The following REEP1 variants were observed in gnomAD, a reference collection of about 807,000 sequenced individuals.
REEP1 encodes the protein receptor accessory protein 1.
A neutral mutation model predicts 40.3 loss-of-function variants in REEP1; 22 were observed. The ratio of observed to expected loss-of-function variants is 0.55; its 90% CI spans 0.39 to 0.78. The LOEUF (loss-of-function observed/expected upper bound fraction) is 0.78. Among genes scored for constraint, REEP1 ranks in the 30% least tolerant of loss-of-function variants. The pLI is 0.00. For synonymous variants in REEP1, 116 were observed against 139.2 expected (o/e 0.83, Z 1.17); for missense variants, 280 against 361.1 (o/e 0.78, Z 1.82).
intron 1 of REEP1, among the ~76,000 whole-genome samples, chr2:86,284,904 T>G (rs1329724796): frequency 2.0e-5 from 3 of 152,214 alleles, no homozygotes; most frequent in African/African-American, 7.2e-5. Flanking sequence ...ACACACAAGT[T>G]TGCTTTTCGG....
At chr2:86,270,424 G>A (rs1677378858) in intron 2 of REEP1, among the ~76,000 whole-genome samples, 1 of 152,184 alleles carries the variant, frequency 6.6e-6, no homozygotes, top group African/African-American at 2.4e-5. Context: ...TCAAACTGCT[G>A]ACCTCAGGTG....
In REEP1 at chr2:86,219,504, G is replaced by A. The variant is rs181603222; in HGVS notation, c.783+466C>T. Reference sequence around the variant, plus strand: ...CTCGCTGTGTCATCCCGGCTGGAGTGCAGCAGTGCAGTCTCACTGCAACCT... The same window carrying A: ...CTCGCTGTGTCATCCCGGCTGGAGTACAGCAGTGCAGTCTCACTGCAACCT... On this transcript the variant is annotated intron_variant, in intron 8 of 8. Coordinates refer to ENST00000538924, the MANE Select transcript of REEP1 (RefSeq NM_001371279.1). 3.4e-3 allele frequency among the ~76,000 whole-genome samples: 505 copies of A among 147,278 alleles called. 3 individuals are homozygous for A. Among genetic ancestry groups the A allele is most frequent in the South Asian group, 0.018 (85 of 4,678 alleles).
intron 1 of REEP1, among the ~76,000 whole-genome samples, chr2:86,307,418 T>C (rs974233084): frequency 6.6e-6 from 1 of 152,190 alleles, no homozygotes; most frequent in African/African-American, 2.4e-5. Context: ...GGATTTATGA[T>C]ACACTTAAGT....
At chr2:86,220,557 G>T (rs59798346) in intron 7 of REEP1, among the ~76,000 whole-genome samples, 6,225 of 152,214 alleles carry the variant, frequency 0.041, 446 homozygotes, top group African/African-American at 0.14. Context: ...TGGGGTGGGA[G>T]AGCAGTTTCT....
intron 1 of REEP1, among the ~76,000 whole-genome samples, chr2:86,328,869 T>G (rs961217098): frequency 2.0e-5 from 3 of 152,024 alleles, no homozygotes; most frequent in African/African-American, 4.8e-5. Flanking sequence ...CGTCTAGGGG[T>G]GTGTTACAAT....
At chr2:86,310,249 A>C (rs1369759829) in intron 1 of REEP1, among the ~76,000 whole-genome samples, 1 of 152,182 alleles carries the variant, frequency 6.6e-6, no homozygotes, top group Non-Finnish European at 1.5e-5. Flanking sequence ...CTCAGAGCAT[A>C]ATGATGTTTC....
At chr2:86,291,939 T>C (rs1305672411) in intron 1 of REEP1, among the ~76,000 whole-genome samples, 2 of 152,256 alleles carry the variant, frequency 1.3e-5, no homozygotes, top group Non-Finnish European at 1.5e-5. Context: ...CAATTGATAC[T>C]GTTCCACTCC....
chr2:86,316,472 T>C (rs11691122), intron 1 of REEP1, among the ~76,000 whole-genome samples: 100,137 of 148,258 alleles, frequency 0.68, 35,405 homozygotes, highest in East Asian at 0.91. Context: ...CACTTGAACC[T>C]GGCAGGCAGA....
chr2:86,337,674 G>A (rs1248388923), upstream of REEP1: 1 of 1,005,636 alleles, frequency 9.9e-7, no homozygotes. The surrounding 1 kb of genome is among the most constrained non-coding windows in gnomAD (Gnocchi z 5.8). Flanking sequence ...GCGCAGCCGC[G>A]GCACGTTCTG....
At chr2:86,259,538 C>A (rs913745923) in intron 3 of REEP1, among the ~76,000 whole-genome samples, 1 of 151,640 alleles carries the variant, frequency 6.6e-6, no homozygotes, top group Non-Finnish European at 1.5e-5. Flanking sequence ...GGTGCTGCAC[C>A]ACCACACCCA....
intron 8 of REEP1, 36 bp from the exon 9 acceptor site, chr2:86,217,146 G>T (rs775245928): frequency 6.4e-7 from 1 of 1,567,292 alleles, no homozygotes. Flanking sequence ...CCTCAGTTTG[G>T]TGTAAATGTG....
In REEP1 at chr2:86,307,214, A is replaced by AG. The variant is rs1247274970; in HGVS notation, c.33-24973_33-24972insC. Among the ~76,000 whole-genome samples, 293 of 152,186 alleles carry AG rather than the reference A, an allele frequency of 1.9e-3. 2 individuals are homozygous for AG. Among genetic ancestry groups the AG allele is most frequent in the African/African-American group, 6.4e-3 (266 of 41,514 alleles). On this transcript the variant is annotated intron_variant, in intron 1 of 8. Transcript: ENST00000538924. ...GCAATACTGTGTCAAAAAAAAAAAAAAAAGTCACACCTATTTATCCATGTT... is the reference window on the plus strand; with the variant it reads ...GCAATACTGTGTCAAAAAAAAAAAAAGAAAGTCACACCTATTTATCCATGTT...
chr2:86,250,898 T>C (rs1425268944), intron 5 of REEP1, among the ~76,000 whole-genome samples: 7 of 152,204 alleles, frequency 4.6e-5, no homozygotes, highest in African/African-American at 1.7e-4. Flanking sequence ...AAACTGGCTC[T>C]CAGCACCCTC....
intron 3 of REEP1, among the ~76,000 whole-genome samples, chr2:86,258,085 T>C (rs1676669237): frequency 6.6e-6 from 1 of 152,242 alleles, no homozygotes; most frequent in Admixed American, 6.5e-5. Flanking sequence ...GCTTCAGTGC[T>C]AGGGTTCCTG....
intron 2 of REEP1, among the ~76,000 whole-genome samples, chr2:86,281,202 C>A (rs1678063759): frequency 6.6e-6 from 1 of 152,112 alleles, no homozygotes; most frequent in Non-Finnish European, 1.5e-5. Context: ...GTTCTCCTGC[C>A]TGAAGGTGCC....
At chr2:86,286,847 A>G (rs1263836582) in intron 1 of REEP1, among the ~76,000 whole-genome samples, 1 of 152,188 alleles carries the variant, frequency 6.6e-6, no homozygotes, top group Admixed American at 6.5e-5. Flanking sequence ...AGTTGCACCA[A>G]CATGTCCCAA....
At chr2:86,225,057 G>T (rs1355217303) in intron 7 of REEP1, among the ~76,000 whole-genome samples, 2 of 152,314 alleles carry the variant, frequency 1.3e-5, no homozygotes, top group East Asian at 3.9e-4. Context: ...TGGCACCACA[G>T]GGTCATTTCC....
intron 2 of REEP1, among the ~76,000 whole-genome samples, chr2:86,271,583 G>A (rs1442461172): frequency 6.6e-6 from 1 of 152,188 alleles, no homozygotes; most frequent in African/African-American, 2.4e-5. Context: ...GTGAATCCAT[G>A]TTGTCTTTGT....
chr2:86,246,654 G>C (rs958039498), intron 5 of REEP1, among the ~76,000 whole-genome samples: 1 of 150,936 alleles, frequency 6.6e-6, no homozygotes, highest in African/African-American at 2.4e-5. Context: ...TTGTTCAGTG[G>C]TTCGTCTCAC....
Sources: gnomAD v4.1 joint callset for allele counts (sites outside exome capture counted in the v4.1 genomes callset) on GRCh38, gnomAD v4.1.1 for gene constraint, Gnocchi (gnomAD v3.1) non-coding constraint, MANE v1.5 for transcripts, NCBI Gene and HGNC (gene_info 2026-07-23, HGNC 2026-07-21) for gene names.